Variants in SDK1 observed in about 807,000 individuals in gnomAD.
SDK1 encodes the protein protein sidekick-1.
In SDK1, 157 loss-of-function variants were observed where a neutral mutation model predicts 245.5. The observed-to-expected ratio is 0.64, with a 90% CI of 0.56 to 0.73. SDK1 has a LOEUF of 0.73. Among genes scored for constraint, SDK1 ranks in the 30% least tolerant of loss-of-function variants. SDK1 has a pLI of 0.00. For synonymous variants in SDK1, 1,647 were observed against 1,278.5 expected, an observed-to-expected ratio of 1.29 and a Z score of -6.15; for missense variants, 3,583 against 3,002.3, an observed-to-expected ratio of 1.19 and a Z score of -4.52.
At chr7:3,777,054 A>G (rs1780587948) in intron 4 of SDK1, among the ~76,000 whole-genome samples, 1 of 152,152 alleles carries the variant, frequency 6.6e-6, no homozygotes, top group Admixed American at 6.6e-5. Context: ...GGTAATTGTG[A>G]TGATATTTTT....
chr7:3,808,733 G>T (rs1779311810), intron 4 of SDK1, among the ~76,000 whole-genome samples: 1 of 152,090 alleles, frequency 6.6e-6, no homozygotes, highest in African/African-American at 2.4e-5. Context: ...TTGTTTTCCA[G>T]AACAGTGTCC....
rs186400955 is a variant in SDK1 at position 4,011,126 on chromosome 7, C to A, written c.2279+13C>A. 2.2e-5 allele frequency: 35 copies of A among 1,612,420 alleles called. No homozygotes were observed. In the Admixed American group the frequency reaches 5.8e-4, roughly 27 times the overall value. On this transcript the variant is annotated intron_variant, in intron 15 of 44. Coordinates refer to ENST00000404826, the MANE Select transcript of SDK1 (RefSeq NM_152744.4). ...CCGAGACAAGCAGGTGCGTGAATCC[C>A]GCCCCAGGTGGGGGTGTGGAACAGC...
intron 1 of SDK1, among the ~76,000 whole-genome samples, chr7:3,486,198 G>C (rs905824728): frequency 2.0e-5 from 3 of 151,496 alleles, no homozygotes; most frequent in Admixed American, 1.3e-4. Context: ...TATCTGTTTT[G>C]CTTAGCTTTT....
At chr7:3,354,500 T>A (rs1359289059) in intron 1 of SDK1, among the ~76,000 whole-genome samples, 2 of 152,210 alleles carry the variant, frequency 1.3e-5, no homozygotes. Context: ...GGTAACATAA[T>A]AAAAGTTAAA....
At chr7:3,781,422 A>G (rs1184660544) in intron 4 of SDK1, among the ~76,000 whole-genome samples, 1 of 152,132 alleles carries the variant, frequency 6.6e-6, no homozygotes, top group Non-Finnish European at 1.5e-5. Flanking sequence ...TCTAGATTAG[A>G]TAGTGGAAAT....
Position 4,015,887 on chromosome 7 carries a change from C to T in SDK1, c.2421-1284C>T, listed in dbSNP as rs184005109. Among the ~76,000 whole-genome samples, 535 of 152,268 alleles carry T rather than the reference C, an allele frequency of 3.5e-3. 14 individuals carry two copies. Among genetic ancestry groups the T allele is most frequent in the Admixed American group, 0.031 (474 of 15,306 alleles). ...GGCCCCACCAAGTGTACATGGTCGG[C>T]GGCAAGAGGGAACGGGAGAATGCTC... On this transcript the variant is annotated intron_variant, in intron 16 of 44. Transcript: ENST00000404826.
At chr7:3,336,703 C>A (rs1338672246) in intron 1 of SDK1, among the ~76,000 whole-genome samples, 1 of 152,156 alleles carries the variant, frequency 6.6e-6, no homozygotes, top group Non-Finnish European at 1.5e-5. Flanking sequence ...CTTGGCTTTC[C>A]CTTCCCTGTG....
intron 5 of SDK1, among the ~76,000 whole-genome samples, chr7:3,832,929 A>G (rs1779945770): frequency 6.6e-6 from 1 of 152,060 alleles, no homozygotes; most frequent in Admixed American, 6.6e-5. Flanking sequence ...TTGTCAGTGT[A>G]AACTGTTATT....
At chr7:3,978,655 A>G in intron 13 of SDK1, among the ~76,000 whole-genome samples, 1 of 152,188 alleles carries the variant, frequency 6.6e-6, no homozygotes, top group East Asian at 1.9e-4. Context: ...GAATGATAAT[A>G]ATAATAACCC....
intron 1 of SDK1, among the ~76,000 whole-genome samples, chr7:3,434,803 C>T (rs937861309): frequency 6.6e-6 from 1 of 151,752 alleles, no homozygotes; most frequent in Non-Finnish European, 1.5e-5. Flanking sequence ...TAGATAGAAT[C>T]ATGGGGGGGG....
At chr7:3,645,492 G>C (rs540098383) in intron 4 of SDK1, among the ~76,000 whole-genome samples, 11 of 152,196 alleles carry the variant, frequency 7.2e-5, no homozygotes, top group African/African-American at 2.7e-4. Context: ...ATCGTCCAAA[G>C]ACATATAGCT....
At chr7:3,660,991 T>A (rs1360113629) in intron 4 of SDK1, among the ~76,000 whole-genome samples, 1 of 152,208 alleles carries the variant, frequency 6.6e-6, no homozygotes, top group Non-Finnish European at 1.5e-5. Context: ...TTACCTCTGC[T>A]GAGTAATTTT....
intron 1 of SDK1, among the ~76,000 whole-genome samples, chr7:3,510,161 A>AT (rs1260614852): frequency 5.3e-5 from 8 of 152,194 alleles, no homozygotes; most frequent in African/African-American, 1.9e-4. Flanking sequence ...GGACCTGGAT[A>AT]TTTTTTACTT....
intron 25 of SDK1, among the ~76,000 whole-genome samples, chr7:4,124,411 C>G (rs1157932171): frequency 6.6e-6 from 1 of 152,276 alleles, no homozygotes; most frequent in Middle Eastern, 3.4e-3. Context: ...CTCCCATGTC[C>G]CCACAGAGTT....
chr7:3,830,322 T>A (rs1405603546), intron 5 of SDK1, among the ~76,000 whole-genome samples: 1 of 152,220 alleles, frequency 6.6e-6, no homozygotes, highest in East Asian at 1.9e-4. Flanking sequence ...CTAATCGGAT[T>A]TTTTACAAAC....
intron 1 of SDK1, among the ~76,000 whole-genome samples, chr7:3,510,721 G>A (rs571868500): frequency 1.3e-5 from 2 of 152,130 alleles, no homozygotes; most frequent in South Asian, 4.1e-4. Flanking sequence ...TTCTCAGAGA[G>A]AACAGATGAT....
At chr7:3,565,744 C>T (rs1779893172) in intron 1 of SDK1, among the ~76,000 whole-genome samples, 1 of 152,174 alleles carries the variant, frequency 6.6e-6, no homozygotes, top group Non-Finnish European at 1.5e-5. Context: ...ATCTAGGTAA[C>T]TTATACAACT....
intron 28 of SDK1, among the ~76,000 whole-genome samples, chr7:4,142,024 G>T (rs564326832): frequency 6.6e-6 from 1 of 151,978 alleles, no homozygotes; most frequent in South Asian, 2.1e-4. Flanking sequence ...CAAAGTGCTG[G>T]GATCATAGGT....
chr7:3,487,809 A>G (rs1046287037), intron 1 of SDK1, among the ~76,000 whole-genome samples: 3 of 151,674 alleles, frequency 2.0e-5, no homozygotes, highest in African/African-American at 7.3e-5. Flanking sequence ...TGGCTCTCCA[A>G]AGCTCAGCCC....
Sources: gnomAD v4.1 joint callset for allele counts (sites outside exome capture counted in the v4.1 genomes callset) on GRCh38, gnomAD v4.1.1 for gene constraint, MANE v1.5 for transcripts, NCBI Gene and HGNC (gene_info 2026-07-23, HGNC 2026-07-21) for gene names.